Variants in ZFAND3 observed in about 807,000 individuals in gnomAD.
ZFAND3 encodes the protein AN1-type zinc finger protein 3.
ZFAND3 carries 10 observed loss-of-function variants against 29.6 expected under a neutral mutation model. That is an observed-to-expected ratio of 0.34 (90% CI 0.21 to 0.57). The LOEUF is 0.57. Among genes scored for constraint, ZFAND3 ranks in the 20% least tolerant of loss-of-function variants. The pLI, the probability that ZFAND3 is intolerant of heterozygous loss-of-function variation, is 0.86. For missense variants in ZFAND3, 230 were observed against 304.5 expected, an observed-to-expected ratio of 0.76 and a Z score of 1.82; for synonymous variants, 128 against 112.6, an observed-to-expected ratio of 1.14 and a Z score of -0.87.
chr6:38,053,833 A>T (rs1764080215), intron 2 of ZFAND3, among the ~76,000 whole-genome samples: 1 of 152,196 alleles, frequency 6.6e-6, no homozygotes. Context: ...GGGGATACAA[A>T]ATTAAGAAGG....
intron 5 of ZFAND3, among the ~76,000 whole-genome samples, chr6:38,144,349 G>A (rs1051045739): frequency 5.3e-5 from 8 of 151,994 alleles, no homozygotes; most frequent in African/African-American, 1.9e-4. Context: ...TGTACCACTT[G>A]AGATTAATGA....
intron 1 of ZFAND3, among the ~76,000 whole-genome samples, chr6:37,841,383 T>A (rs777847791): frequency 6.6e-6 from 1 of 152,246 alleles, no homozygotes; most frequent in Non-Finnish European, 1.5e-5. Flanking sequence ...AATCTTATTT[T>A]TTATTTTCCA....
chr6:37,853,367 A>G (rs1222695121), intron 1 of ZFAND3, among the ~76,000 whole-genome samples: 2 of 149,958 alleles, frequency 1.3e-5, no homozygotes, highest in Non-Finnish European at 3.0e-5. Flanking sequence ...TACCAAGACA[A>G]ACTGTCTGCT....
At chr6:38,124,147 T>G (rs1230612387) in intron 5 of ZFAND3, among the ~76,000 whole-genome samples, 4 of 152,216 alleles carry the variant, frequency 2.6e-5, no homozygotes, top group Admixed American at 1.3e-4. Flanking sequence ...GAGTGCTGAT[T>G]GGTGTATTTA....
intron 2 of ZFAND3, chr6:38,003,916 T>G: frequency 6.2e-6 from 2 of 321,116 alleles, no homozygotes; most frequent in South Asian, 4.5e-5. Flanking sequence ...GCCATCACCT[T>G]CTGTCGTCCG....
chr6:37,886,065 C>G (rs557528390), intron 1 of ZFAND3, among the ~76,000 whole-genome samples: 1 of 151,698 alleles, frequency 6.6e-6, no homozygotes, highest in East Asian at 2.0e-4. Flanking sequence ...TGGTGAAACC[C>G]CATCTCTATT....
At chr6:37,828,998 C>A (rs558900049) in intron 1 of ZFAND3, among the ~76,000 whole-genome samples, 112 of 152,180 alleles carry the variant, frequency 7.4e-4, no homozygotes, top group Middle Eastern at 3.4e-3. Flanking sequence ...TCTAAAAAAA[C>A]CAGGTTTTTC....
At chr6:38,059,180 C>A (rs1764188928) in intron 2 of ZFAND3, among the ~76,000 whole-genome samples, 1 of 152,220 alleles carries the variant, frequency 6.6e-6, no homozygotes, top group African/African-American at 2.4e-5. Flanking sequence ...AGATAGAAGA[C>A]CCGTTTTTCT....
intron 2 of ZFAND3, among the ~76,000 whole-genome samples, chr6:37,948,529 C>T (rs1436147052): frequency 6.6e-6 from 1 of 152,094 alleles, no homozygotes; most frequent in Non-Finnish European, 1.5e-5. Flanking sequence ...AATTATGTGT[C>T]ATGGGGGTTT....
chr6:38,117,525 T>A (rs1236555813), intron 5 of ZFAND3, among the ~76,000 whole-genome samples: 3 of 152,318 alleles, frequency 2.0e-5, no homozygotes, highest in Admixed American at 6.5e-5. Context: ...AGCAGCATTA[T>A]TTTAGGCTGA....
At chr6:38,128,483 C>CT (rs1252605518) in intron 5 of ZFAND3, among the ~76,000 whole-genome samples, 1 of 152,196 alleles carries the variant, frequency 6.6e-6, no homozygotes, top group Non-Finnish European at 1.5e-5. Flanking sequence ...CCCTCACCCC[C>CT]TTCCCACCCT....
chr6:37,924,685 C>T, intron 1 of ZFAND3, among the ~76,000 whole-genome samples: 1 of 151,422 alleles, frequency 6.6e-6, no homozygotes. Context: ...AAATAATGGA[C>T]TGATGTGTGC....
intron 1 of ZFAND3, among the ~76,000 whole-genome samples, chr6:37,908,542 TAAAA>T (rs70981504): frequency 1.6e-5 from 2 of 124,130 alleles, no homozygotes; most frequent in African/African-American, 5.7e-5. Flanking sequence ...AAAAAAAAAT[TAAAA>T]AAAAAAAAAA....
chr6:37,948,350 T>C (rs1761937783), intron 2 of ZFAND3, among the ~76,000 whole-genome samples: 1 of 152,266 alleles, frequency 6.6e-6, no homozygotes. Context: ...AAATGATCTT[T>C]TTAATTGCAG....
At chr6:37,970,891 C>T (rs1383258158) in intron 2 of ZFAND3, among the ~76,000 whole-genome samples, 4 of 151,976 alleles carry the variant, frequency 2.6e-5, no homozygotes, top group African/African-American at 4.8e-5. Flanking sequence ...GGCTACAGAG[C>T]GAGACTCCGT....
chr6:38,083,382 G>A (rs1021218642), intron 4 of ZFAND3, among the ~76,000 whole-genome samples: 2 of 152,136 alleles, frequency 1.3e-5, no homozygotes, highest in Admixed American at 1.3e-4. Context: ...TTGAGGTAGG[G>A]TAGGGGGTGT....
Position 38,144,218 on chromosome 6 carries a change from A to ATATATATATAAT in ZFAND3, c.530-8017_530-8016insTATATATATAAT, listed in dbSNP as rs1554183997. 2.5e-4 allele frequency among the ~76,000 whole-genome samples: 8 copies of ATATATATATAAT among 31,442 alleles called. 1 individual carries two copies. Among genetic ancestry groups the ATATATATATAAT allele is most frequent in the African/African-American group, 1.5e-3 (8 of 5,384 alleles). 20.6% of individuals were successfully genotyped at this position (31,442 alleles called of 152,430 possible). Reference sequence around the variant, plus strand: ...ATATATATATATATATATAATATATAATATATATATATATTTTTTTTTTAA... The same window carrying ATATATATATAAT: ...ATATATATATATATATATAATATATATATATATATAATATATATATATATATTTTTTTTTTAA... On this transcript the variant is annotated intron_variant, in intron 5 of 5. Coordinates refer to ENST00000287218, the MANE Select transcript of ZFAND3 (RefSeq NM_021943.3).
intron 1 of ZFAND3, among the ~76,000 whole-genome samples, chr6:37,837,391 T>G (rs1372589439): frequency 6.6e-6 from 1 of 152,236 alleles, no homozygotes; most frequent in Non-Finnish European, 1.5e-5. Flanking sequence ...GTAAACATTC[T>G]TCAGCGTATT....
At chr6:37,823,810 G>T (rs932546716) in intron 1 of ZFAND3, among the ~76,000 whole-genome samples, 2 of 151,610 alleles carry the variant, frequency 1.3e-5, no homozygotes, top group Non-Finnish European at 2.9e-5. Flanking sequence ...TTGGGGGGGG[G>T]TAGGAAGTTT....
Sources: gnomAD v4.1 joint callset for allele counts (sites outside exome capture counted in the v4.1 genomes callset) on GRCh38, gnomAD v4.1.1 for gene constraint, MANE v1.5 for transcripts, NCBI Gene and HGNC (gene_info 2026-07-23, HGNC 2026-07-21) for gene names.